The following GNS variants were observed in gnomAD, a reference collection of about 807,000 sequenced individuals.
The protein encoded by GNS is glucosamine (N-acetyl)-6-sulfatase, also known as N-acetylglucosamine-6-sulfatase.
A neutral mutation model predicts 69.7 loss-of-function variants in GNS; 40 were observed. That is an observed-to-expected ratio of 0.57 (90% confidence interval 0.45 to 0.75). The LOEUF is 0.75. Ranked by LOEUF, GNS falls within the 30% of genes least tolerant of loss-of-function variation. The pLI, the probability that GNS is intolerant of heterozygous loss-of-function variation, is 0.00. For synonymous variants in GNS, 243 were observed against 251.6 expected (o/e 0.97, Z 0.32); for missense variants, 565 against 685.5 (o/e 0.82, Z 1.96).
Position 64,716,395 on chromosome 12 carries a change from A to G in GNS, c.*346T>C. ...TTTGTGTGTGTCCTAAAGTACTGCC[A>G]TTTATCTGAATGGGTTTACAAATTC... On this transcript the variant is annotated 3_prime_UTR_variant, in exon 14 of 14. Coordinates refer to ENST00000258145, the MANE Select transcript of GNS (RefSeq NM_002076.4). 1 of 362,306 alleles carries G rather than the reference A, an allele frequency of 2.8e-6. No individual in the cohort carries two copies. Among genetic ancestry groups the G allele is most frequent in the Admixed American group, 3.8e-5 (1 of 26,372 alleles). 22.4% of individuals were successfully genotyped at this position (362,306 alleles called of 1,614,324 possible).
intron 13 of GNS, 152 bp downstream of exon 13, chr12:64,719,870 C>T: frequency 1.5e-6 from 1 of 679,676 alleles, no homozygotes. Context: ...CTTGATTTTC[C>T]CAGCACAACG....
intron 1 of GNS, among the ~76,000 whole-genome samples, chr12:64,758,242 T>C (rs1189253648): frequency 2.6e-5 from 4 of 151,938 alleles, no homozygotes; most frequent in Admixed American, 2.6e-4. Flanking sequence ...ATTTTCTTGA[T>C]TCTTGTGAGG....
chr12:64,714,720 C>A lies in GNS; in HGVS notation c.*2021G>T, dbSNP rs545878280. On this transcript the variant is annotated 3_prime_UTR_variant, in exon 14 of 14. Coordinates refer to ENST00000258145, the MANE Select transcript of GNS (RefSeq NM_002076.4). ...AACTGAATAATATGACATCACAGTCCAAGACCTGGTAAGAGTTGGTTTCTT... is the reference window on the plus strand; with the variant it reads ...AACTGAATAATATGACATCACAGTCAAAGACCTGGTAAGAGTTGGTTTCTT... The A allele has an allele frequency of 1.2e-4, 18 of 152,276 alleles. No individual in the cohort carries two copies. The South Asian group carries it at 2.5e-3, about 21-fold the overall frequency. 9.4% of individuals were successfully genotyped at this position (152,276 alleles called of 1,614,324 possible). A position where few individuals can be genotyped will look rare whatever the true frequency, so the allele number is the denominator to read the frequency against.
chr12:64,748,214 T>C (rs919551412), intron 2 of GNS, among the ~76,000 whole-genome samples: 24 of 152,004 alleles, frequency 1.6e-4, no homozygotes, highest in Admixed American at 3.9e-4. Flanking sequence ...TTTTTTTTTT[T>C]CTTTTGAGGC....
chr12:64,740,817 T>A, intron 6 of GNS, 129 bp from the exon 7 acceptor site: 1 of 673,208 alleles, frequency 1.5e-6, no homozygotes, highest in Admixed American at 2.2e-5. Flanking sequence ...AACTGGAACT[T>A]GTTTAAGCAA....
At chr12:64,751,045 G>C (rs948980419) in intron 2 of GNS, among the ~76,000 whole-genome samples, 4 of 152,036 alleles carry the variant, frequency 2.6e-5, no homozygotes, top group Non-Finnish European at 4.4e-5. Flanking sequence ...TACTCTTAGA[G>C]AGTTTATAAA....
Position 64,719,820 on chromosome 12 carries a change from T to G in GNS, c.1580+202A>C, listed in dbSNP as rs548698153. Among the ~76,000 whole-genome samples the G allele has an allele frequency of 7.9e-5, 12 of 152,264 alleles. No individual in the cohort carries two copies. In the South Asian group the frequency reaches 2.5e-3, roughly 32 times the overall value. On this transcript the variant is annotated intron_variant, in intron 13 of 13. Coordinates refer to ENST00000258145, the MANE Select transcript of GNS (RefSeq NM_002076.4). ...TGGGGAGCAGGGCTGTACCTCTGGC[T>G]AAAGTAACAACTGGCAGTGGAGAAC...
At chr12:64,750,837 T>C (rs1870053790) in intron 2 of GNS, among the ~76,000 whole-genome samples, 1 of 152,036 alleles carries the variant, frequency 6.6e-6, no homozygotes, top group African/African-American at 2.4e-5. Context: ...GCCCAGGAGT[T>C]TGAGTTCAAG....
chr12:64,721,914 T>G (rs1869041479), intron 11 of GNS, among the ~76,000 whole-genome samples: 1 of 152,206 alleles, frequency 6.6e-6, no homozygotes, highest in East Asian at 1.9e-4. Flanking sequence ...GTTGTTCCAT[T>G]TGTAGACTGT....
intron 10 of GNS, among the ~76,000 whole-genome samples, chr12:64,724,851 ACT>A (rs1175286977): frequency 6.6e-6 from 1 of 152,092 alleles, no homozygotes; most frequent in East Asian, 1.9e-4. Flanking sequence ...ACAGAGCGAG[ACT>A]CTGTCTCGGA....
intron 9 of GNS, among the ~76,000 whole-genome samples, chr12:64,732,070 T>C (rs1800433247): frequency 6.6e-6 from 1 of 151,774 alleles, no homozygotes; most frequent in Admixed American, 6.6e-5. Context: ...CACTGCAATC[T>C]CCACCTCCTG....
intron 9 of GNS, among the ~76,000 whole-genome samples, chr12:64,735,866 G>A (rs1271961607): frequency 6.6e-6 from 1 of 152,138 alleles, no homozygotes; most frequent in Non-Finnish European, 1.5e-5. Flanking sequence ...AACACAAAAC[G>A]TAATTATGAA....
At chr12:64,751,951 CAA>C (rs570528616) in intron 2 of GNS, among the ~76,000 whole-genome samples, 38 of 64,788 alleles carry the variant, frequency 5.9e-4, no homozygotes, top group Admixed American at 9.2e-4. Context: ...TTGCGCCACT[CAA>C]AAAAAAAAAA....
chr12:64,754,664 G>A (rs1488614178), intron 1 of GNS, among the ~76,000 whole-genome samples: 2 of 152,102 alleles, frequency 1.3e-5, no homozygotes, highest in African/African-American at 4.8e-5. Context: ...AGAGGCAGGA[G>A]GACTGCTTGA....
At position 64,740,476 on chromosome 12, in the gene GNS, CCT is replaced by C. The variant is rs878976121; in HGVS notation, c.875+128_875+129del. 7.0e-6 allele frequency: 5 copies of C among 715,272 alleles called. No individual in the cohort carries two copies. The South Asian group carries it at 7.4e-5, about 11-fold the overall frequency. The allele number at this position is 715,272 out of a possible 1,614,324, so 44.3% of individuals were successfully genotyped here. The stretch of plus-strand genomic sequence containing the variant: ...CTCTGCTTCTGGTGCCCCATCGAAG[CCT>C]CTCTCCCACTGACTTGCTTCCCTCT... On this transcript the variant is annotated intron_variant, in intron 7 of 13. Coordinates refer to ENST00000258145, the MANE Select transcript of GNS (RefSeq NM_002076.4).
chr12:64,739,648 A>T (rs1202858019), intron 7 of GNS, 149 bp from the exon 8 acceptor site: 2 of 642,174 alleles, frequency 3.1e-6, no homozygotes, highest in African/African-American at 3.7e-5. Flanking sequence ...TAAAAAAAAA[A>T]AATTGCAAAA....
rs753247448 is a variant in GNS at position 64,747,749 on chromosome 12, C to A, written c.422G>T (p.Gly141Val). The change falls in exon 3 of 14, where the codon GGT becomes GTT. Residue 141 changes from glycine (G) to valine (V), a missense_variant. Gly to Val is a moderately radical substitution (Grantham distance 109). This residue lies in a region of GNS where 384 missense variants were observed against 511.0 expected (regional missense o/e 0.75). Coordinates refer to ENST00000258145, the MANE Select transcript of GNS (RefSeq NM_002076.4). ...TFPAILRSMC[G>V]YQTFFAGKYL... ...TTTCCCTGCAAAAAAGGTCTGATAA[C>A]CACACATTGATCTGAGAATTGCTGG... 2 of 1,612,132 alleles carry A rather than the reference C, an allele frequency of 1.2e-6. No homozygotes were observed. The highest frequency in any genetic ancestry group is 1.7e-6 in the Non-Finnish European group (2 of 1,178,164).
At chr12:64,751,669 A>G (rs1331741782) in intron 2 of GNS, among the ~76,000 whole-genome samples, 1 of 152,146 alleles carries the variant, frequency 6.6e-6, no homozygotes, top group Admixed American at 6.6e-5. Context: ...ATAATAACCA[A>G]CATCATGTAG....
At position 64,716,282 on chromosome 12, in the gene GNS, T is replaced by C. The variant is rs745654395; in HGVS notation, c.*459A>G. Reference sequence around the variant, plus strand: ...CTCTTCAAGCCATGTGATGTTAGTATTTTTGATAGTGAAGTGCTCAATCTG... The same window carrying C: ...CTCTTCAAGCCATGTGATGTTAGTACTTTTGATAGTGAAGTGCTCAATCTG... On this transcript the variant is annotated 3_prime_UTR_variant, in exon 14 of 14. Coordinates refer to ENST00000258145, the MANE Select transcript of GNS (RefSeq NM_002076.4). 19 of 222,132 alleles carry C rather than the reference T, an allele frequency of 8.6e-5. No individual in the cohort carries two copies. Among genetic ancestry groups the C allele is most frequent in the Non-Finnish European group, 1.5e-4 (16 of 108,634 alleles). 13.8% of individuals were successfully genotyped at this position (222,132 alleles called of 1,614,324 possible).
Sources: gnomAD v4.1 joint callset for allele counts (sites outside exome capture counted in the v4.1 genomes callset) on GRCh38, gnomAD v4.1.1 for gene constraint, gnomAD v4.1.1 regional missense constraint, MANE v1.5 for transcripts, NCBI Gene and HGNC (gene_info 2026-07-23, HGNC 2026-07-21) for gene names.